Variants in C20orf203 observed in about 807,000 individuals in gnomAD.
C20orf203 encodes the protein chromosome 20 open reading frame 203, also known as uncharacterized protein C20orf203.
A neutral mutation model predicts 15.9 loss-of-function variants in C20orf203; 16 were observed. The ratio of observed to expected loss-of-function variants is 1.01; its 90% CI spans 0.68 to 1.53. The LOEUF is 1.53. C20orf203 is among the 40% of genes most tolerant of loss of function. C20orf203 has a pLI of 0.00. For synonymous variants in C20orf203, 98 were observed against 97.2 expected, an observed-to-expected ratio of 1.01 and a Z score of -0.05; for missense variants, 263 against 247.5, an observed-to-expected ratio of 1.06 and a Z score of -0.42.
At chr20:32,634,400 G>T (rs1982082744) in intron 5 of C20orf203, 130 bp from the exon 6 acceptor site, 1 of 394,298 alleles carries the variant, frequency 2.5e-6, no homozygotes, top group Non-Finnish European at 4.5e-6. Context: ...CTTACAGCTG[G>T]GTCCAAGCTG....
intron 1 of C20orf203, among the ~76,000 whole-genome samples, chr20:32,659,830 A>G (rs1360519068): frequency 6.6e-6 from 1 of 152,218 alleles, no homozygotes; most frequent in Non-Finnish European, 1.5e-5. Context: ...CATGCTCCCC[A>G]CCTCCGTGGC....
At chr20:32,653,900 C>A (rs1982697341) in intron 1 of C20orf203, among the ~76,000 whole-genome samples, 1 of 152,030 alleles carries the variant, frequency 6.6e-6, no homozygotes, top group Non-Finnish European at 1.5e-5. Flanking sequence ...TAAGACCAGC[C>A]TGGCCAGCAA....
Position 32,650,136 on chromosome 20 carries a change from G to A in C20orf203, c.*296C>T. 2.6e-6 allele frequency: 1 copy of A among 379,618 alleles called. No homozygotes were observed. Among genetic ancestry groups the A allele is most frequent in the South Asian group, 3.9e-5 (1 of 25,690 alleles). The allele number at this position is 379,618 out of a possible 1,614,324, so 23.5% of individuals were successfully genotyped here. A position where few individuals can be genotyped will look rare whatever the true frequency, so the allele number is the denominator to read the frequency against. ...AGAGATGTGCCAGCGCCTCCCAAGG[G>A]AGAAGCCATTCTCCAGCAGCTGGAC... On this transcript the variant is annotated 3_prime_UTR_variant, in exon 4 of 6. Coordinates refer to ENST00000608990, the MANE Select transcript of C20orf203 (RefSeq NM_182584.4).
intron 4 of C20orf203, among the ~76,000 whole-genome samples, chr20:32,644,316 C>T (rs1349124737): frequency 2.0e-5 from 3 of 152,002 alleles, no homozygotes; most frequent in Non-Finnish European, 4.4e-5. Flanking sequence ...GGTGTGGTGG[C>T]GTACACCTGT....
intron 1 of C20orf203, among the ~76,000 whole-genome samples, chr20:32,664,198 G>A (rs1337413120): frequency 6.6e-6 from 1 of 152,208 alleles, no homozygotes. Context: ...AGGGCCCTGG[G>A]TGCTGATCTG....
intron 1 of C20orf203, among the ~76,000 whole-genome samples, chr20:32,655,097 A>T (rs1180993136): frequency 3.9e-5 from 6 of 152,172 alleles, no homozygotes; most frequent in African/African-American, 1.4e-4. Context: ...AAGAGGTCAG[A>T]CCCCTGCCTC....
chr20:32,641,860 C>CA (rs1332916204), intron 4 of C20orf203, among the ~76,000 whole-genome samples: 1 of 152,074 alleles, frequency 6.6e-6, no homozygotes, highest in African/African-American at 2.4e-5. Flanking sequence ...TTTTTTGAGA[C>CA]AGAGTCTCAC....
chr20:32,651,015 T>C lies in C20orf203; in HGVS notation c.135+3A>G. 2.0e-6 allele frequency: 3 copies of C among 1,485,694 alleles called. No homozygotes were observed. The highest frequency in any genetic ancestry group is 2.5e-5 in the East Asian group (1 of 39,988). 92.0% of individuals were successfully genotyped at this position (1,485,694 alleles called of 1,614,324 possible). On this transcript the variant is annotated splice_donor_region_variant and intron_variant, in intron 3 of 5. Coordinates refer to ENST00000608990, the MANE Select transcript of C20orf203 (RefSeq NM_182584.4). ...TGTGGGAGACAGGGACAGCACTTCT[T>C]ACCCGGCTCAGCATTCCAGTTTTTG...
chr20:32,666,155 T>TAAAAAAAAAAAAAAAAAAAAAAAAGA (rs147487671), intron 1 of C20orf203, among the ~76,000 whole-genome samples: 1 of 102,774 alleles, frequency 9.7e-6, no homozygotes. Flanking sequence ...ATAAATAAAG[T>TAAAAAAAAAAAAAAAAAAAAAAAAGA]AAAAAAAAAA....
intron 1 of C20orf203, among the ~76,000 whole-genome samples, chr20:32,672,330 CTCTG>C (rs1198674738): frequency 6.6e-6 from 1 of 151,702 alleles, no homozygotes; most frequent in Non-Finnish European, 1.5e-5. Context: ...CAATGCAAGA[CTCTG>C]TCTCAAAAAA....
At chr20:32,661,999 C>A (rs1022935471) in intron 1 of C20orf203, among the ~76,000 whole-genome samples, 3 of 152,182 alleles carry the variant, frequency 2.0e-5, no homozygotes, top group Non-Finnish European at 4.4e-5. Context: ...AAGGACTTGC[C>A]CAAGAGCACC....
chr20:32,644,935 T>G (rs1032403887), intron 4 of C20orf203, among the ~76,000 whole-genome samples: 2 of 151,782 alleles, frequency 1.3e-5, no homozygotes, highest in Non-Finnish European at 2.9e-5. Flanking sequence ...TGTCCAGGGA[T>G]GCAGCAGGGC....
At chr20:32,657,646 A>G (rs1982794643) in intron 1 of C20orf203, 1 of 151,308 alleles carries the variant, frequency 6.6e-6, no homozygotes, top group Non-Finnish European at 1.5e-5. Flanking sequence ...AAGTCAAAAG[A>G]AAAAAAAAGC....
intron 1 of C20orf203, among the ~76,000 whole-genome samples, chr20:32,668,147 T>C (rs924298322): frequency 6.6e-6 from 1 of 152,162 alleles, no homozygotes; most frequent in Non-Finnish European, 1.5e-5. Context: ...CTGTATCTCT[T>C]GGGATGACTG....
At chr20:32,663,845 G>T (rs1227021120) in intron 1 of C20orf203, among the ~76,000 whole-genome samples, 1 of 152,220 alleles carries the variant, frequency 6.6e-6, no homozygotes, top group African/African-American at 2.4e-5. Context: ...ACCAGCCATG[G>T]GACACTGCCC....
In C20orf203 at chr20:32,634,127, A is replaced by G. The variant is rs1421940857; in HGVS notation, c.*1443T>C. On this transcript the variant is annotated 3_prime_UTR_variant, in exon 6 of 6. Coordinates refer to ENST00000608990, the MANE Select transcript of C20orf203 (RefSeq NM_182584.4). Reference sequence around the variant, plus strand: ...ACACAGAAAACAACAAAGAAATGGCACTTGTTACCCAGAGACCCAGAGAGA... The same window carrying G: ...ACACAGAAAACAACAAAGAAATGGCGCTTGTTACCCAGAGACCCAGAGAGA... 2.5e-6 allele frequency: 1 copy of G among 398,446 alleles called. No individual in the cohort carries two copies. The highest frequency in any genetic ancestry group is 4.4e-6 in the Non-Finnish European group (1 of 226,080). 24.7% of individuals were successfully genotyped at this position (398,446 alleles called of 1,614,324 possible). A position where few individuals can be genotyped will look rare whatever the true frequency, so the allele number is the denominator to read the frequency against.
intron 1 of C20orf203, among the ~76,000 whole-genome samples, chr20:32,663,018 G>A (rs951579396): frequency 1.2e-4 from 17 of 145,994 alleles, no homozygotes; most frequent in Non-Finnish European, 2.2e-4. Flanking sequence ...GCTCAATCTC[G>A]GCTCACTGCA....
At chr20:32,668,185 G>A (rs1195310351) in intron 1 of C20orf203, among the ~76,000 whole-genome samples, 1 of 152,152 alleles carries the variant, frequency 6.6e-6, no homozygotes, top group Non-Finnish European at 1.5e-5. Flanking sequence ...TGTAAGAGTG[G>A]TTACACCAAG....
chr20:32,650,991 G>A, intron 3 of C20orf203, 27 bp downstream of exon 3: 2 of 1,458,730 alleles, frequency 1.4e-6, no homozygotes, highest in Non-Finnish European at 1.8e-6. Context: ...CAGCCCAGGT[G>A]TGGGAGACAG....
Sources: allele counts gnomAD v4.1 joint callset (sites outside exome capture counted in the v4.1 genomes callset), GRCh38; gene constraint gnomAD v4.1.1; transcripts MANE v1.5; gene names NCBI Gene and HGNC (gene_info 2026-07-23, HGNC 2026-07-21).